NUMB: variants seen among roughly 807,000 people sequenced by gnomAD.
NUMB encodes the protein protein numb homolog.
NUMB carries 29 observed loss-of-function variants against 59.7 expected under a neutral mutation model. The ratio of observed to expected loss-of-function variants is 0.49; its 90% CI spans 0.36 to 0.66. The LOEUF is 0.66. NUMB is among the 30% of genes least tolerant of loss of function. The pLI, the probability that NUMB is intolerant of heterozygous loss-of-function variation, is 0.00. For missense variants in NUMB, 723 were observed against 822.0 expected, an observed-to-expected ratio of 0.88 and a Z score of 1.47; for synonymous variants, 288 against 288.2, an observed-to-expected ratio of 1.00 and a Z score of 0.01.
At chr14:73,303,497 T>G (rs924381641) in intron 6 of NUMB, among the ~76,000 whole-genome samples, 24 of 152,070 alleles carry the variant, frequency 1.6e-4, no homozygotes, top group African/African-American at 5.3e-4. Context: ...GGAGAATTGC[T>G]TGGACCCAGG....
At chr14:73,363,751 CCA>C (rs1472570985) in intron 3 of NUMB, among the ~76,000 whole-genome samples, 5 of 152,040 alleles carry the variant, frequency 3.3e-5, no homozygotes, top group African/African-American at 1.2e-4. Flanking sequence ...GAGTTCAAGT[CCA>C]GTTTGGGCAA....
chr14:73,397,856 A>G (rs1256262210), intron 2 of NUMB, among the ~76,000 whole-genome samples: 38 of 151,910 alleles, frequency 2.5e-4, no homozygotes, highest in Admixed American at 2.4e-3. Context: ...AGACATTGAT[A>G]TTTAAACATT....
intron 2 of NUMB, among the ~76,000 whole-genome samples, chr14:73,396,981 A>C (rs1358282324): frequency 6.6e-6 from 1 of 152,090 alleles, no homozygotes; most frequent in Non-Finnish European, 1.5e-5. Flanking sequence ...AAAATTAGCC[A>C]GGCATGGTGG....
intron 2 of NUMB, among the ~76,000 whole-genome samples, chr14:73,374,317 G>C (rs1894847136): frequency 6.6e-6 from 1 of 152,118 alleles, no homozygotes; most frequent in Non-Finnish European, 1.5e-5. Flanking sequence ...TACTGCGCCT[G>C]GCCAAAAGCT....
chr14:73,437,679 T>C lies in NUMB; in HGVS notation c.-233+20814A>G, dbSNP rs758721656. ...AAAGTAGTGATGTTCATTTTAAAAA[T>C]GCATATGGAATGATTCCATTTACAT... On this transcript the variant is annotated intron_variant, in intron 1 of 12. Coordinates refer to ENST00000555238, the MANE Select transcript of NUMB (RefSeq NM_001005743.2). 5.6e-4 allele frequency among the ~76,000 whole-genome samples: 85 copies of C among 152,200 alleles called. 7 individuals are homozygous for C. The highest frequency in any genetic ancestry group is 1.7e-4 in the African/African-American group (7 of 41,454).
chr14:73,406,315 A>G (rs929512257), intron 2 of NUMB, among the ~76,000 whole-genome samples: 2 of 139,732 alleles, frequency 1.4e-5, no homozygotes, highest in African/African-American at 2.7e-5. Flanking sequence ...TCATTGTTCA[A>G]TTCCCACCTA....
chr14:73,347,822 C>A (rs980763271), intron 4 of NUMB, among the ~76,000 whole-genome samples: 1 of 152,166 alleles, frequency 6.6e-6, no homozygotes, highest in Non-Finnish European at 1.5e-5. Context: ...TCTAGGCCAT[C>A]TTCTCTCTTT....
At chr14:73,454,176 G>A (rs1196235054) in intron 1 of NUMB, among the ~76,000 whole-genome samples, 1 of 151,224 alleles carries the variant, frequency 6.6e-6, no homozygotes, top group Non-Finnish European at 1.5e-5. Flanking sequence ...TAACCAACCT[G>A]CATATGTACT....
Position 73,404,260 on chromosome 14 carries a change from A to AAATAATAAT in NUMB, c.-101+5668_-101+5676dup, listed in dbSNP as rs10677503. 2.9e-3 allele frequency among the ~76,000 whole-genome samples: 427 copies of AAATAATAAT among 145,980 alleles called. 3 individuals carry two copies. Among genetic ancestry groups the AAATAATAAT allele is most frequent in the African/African-American group, 9.1e-3 (364 of 39,994 alleles). ...ATGTCTCAAAAAACAAAAAAAGGTA[A>AAATAATAAT]AATAATAATAATAATAATAATAATA... On this transcript the variant is annotated intron_variant, in intron 2 of 12. Transcript: ENST00000555238.
chr14:73,284,268 C>T lies in NUMB; in HGVS notation c.762G>A (p.Glu254=). 6.2e-7 allele frequency: 1 copy of T among 1,614,194 alleles called. No homozygotes were observed. Among genetic ancestry groups the T allele is most frequent in the South Asian group, 1.1e-5 (1 of 91,080 alleles). Residue 254 remains glutamate (E), a synonymous_variant, in exon 10 of 13, where the codon GAG becomes GAA. Coordinates refer to ENST00000555238, the MANE Select transcript of NUMB (RefSeq NM_001005743.2). The stretch of plus-strand genomic sequence containing the variant: ...GTGGGATGGCATGAGGATTGTTCAT[C>T]TCCAGAGAGGTCGTGGCATCAGAAG... ...SPTSDATTSL[E]MNNPHAIPRR...
intron 2 of NUMB, among the ~76,000 whole-genome samples, chr14:73,376,726 A>G (rs1472074647): frequency 1.3e-5 from 2 of 152,250 alleles, no homozygotes; most frequent in Admixed American, 1.3e-4. Flanking sequence ...AACACAGTCA[A>G]CTGGAGCTGA....
In NUMB at chr14:73,277,057, C is replaced by A. The variant is rs776850370; in HGVS notation, c.1477G>T (p.Val493Leu). The A allele has an allele frequency of 2.5e-6, 4 of 1,613,984 alleles. No homozygotes were observed. Among genetic ancestry groups the A allele is most frequent in the Non-Finnish European group, 3.4e-6 (4 of 1,180,042 alleles). Residue 493 changes from valine to leucine, a missense_variant, in exon 13 of 13, where the codon GTG (valine) becomes TTG (leucine). Coordinates refer to ENST00000555238, the MANE Select transcript of NUMB (RefSeq NM_001005743.2). ...QGNAFLTSQP[V>L]PVGVVPALQP... ...AGGGCTGGGACCACACCCACTGGCA[C>A]AGGCTGAGAGGTGAGGAATGCATTC...
At chr14:73,377,738 G>A (rs186747254) in intron 2 of NUMB, among the ~76,000 whole-genome samples, 36 of 151,592 alleles carry the variant, frequency 2.4e-4, no homozygotes, top group South Asian at 6.3e-4. Flanking sequence ...AGGCCAAGGC[G>A]GGCAGATCAC....
chr14:73,419,770 G>C lies in NUMB; in HGVS notation c.-232-9702C>G, dbSNP rs117965979. The stretch of plus-strand genomic sequence containing the variant: ...TCCTCAGACAATGGTGGGAAACTCT[G>C]GCATAACCCAAAATATGTAGTTAGG... On this transcript the variant is annotated intron_variant, in intron 1 of 12. Transcript: ENST00000555238. Among the ~76,000 whole-genome samples, 499 of 152,192 alleles carry C rather than the reference G, an allele frequency of 3.3e-3. 3 individuals carry two copies. Among genetic ancestry groups the C allele is most frequent in the South Asian group, 0.012 (60 of 4,816 alleles).
chr14:73,333,198 C>T (rs1375295445), intron 4 of NUMB, among the ~76,000 whole-genome samples: 1 of 152,148 alleles, frequency 6.6e-6, no homozygotes, highest in African/African-American at 2.4e-5. Context: ...ACATTCCCAC[C>T]AGCAATGTAT....
Position 73,371,915 on chromosome 14 carries a change from A to G in NUMB, c.-100-4934T>C, listed in dbSNP as rs751718481. On this transcript the variant is annotated intron_variant, in intron 2 of 12. Transcript: ENST00000555238. The stretch of plus-strand genomic sequence containing the variant: ...ATTACCCAGTCTCAGGTATTCTGTT[A>G]CAGCAGCACAAATGGGTTAAGAAAG... Among the ~76,000 whole-genome samples the G allele has an allele frequency of 3.4e-4, 51 of 152,022 alleles. 1 individual carries two copies. Among genetic ancestry groups the G allele is most frequent in the Admixed American group, 1.3e-3 (20 of 15,264 alleles).
chr14:73,321,681 T>C (rs1427611471), intron 5 of NUMB, among the ~76,000 whole-genome samples: 1 of 152,168 alleles, frequency 6.6e-6, no homozygotes, highest in Non-Finnish European at 1.5e-5. Flanking sequence ...AACTATAATT[T>C]CATGTACCAT....
Position 73,416,507 on chromosome 14 carries a change from A to G in NUMB, c.-232-6439T>C, listed in dbSNP as rs1019162559. On this transcript the variant is annotated intron_variant, in intron 1 of 12. Coordinates refer to ENST00000555238, the MANE Select transcript of NUMB (RefSeq NM_001005743.2). ...ATGCCCATCCTTTGACCCAATAGTT[A>G]CACTTCTAGAAAATGTATCCAAAAT... Among the ~76,000 whole-genome samples, 36 of 152,134 alleles carry G rather than the reference A, an allele frequency of 2.4e-4. 1 individual carries two copies. Among genetic ancestry groups the G allele is most frequent in the African/African-American group, 8.4e-4 (35 of 41,438 alleles).
At position 73,276,325 on chromosome 14, in the gene NUMB, G is replaced by C. The variant is rs1017688052; in HGVS notation, c.*253C>G. ...GCCAGAGATTTGTAAGGGGGTAAGG[G>C]AAGAGGGAGTACAGAAAGCAACATT... On this transcript the variant is annotated 3_prime_UTR_variant, in exon 13 of 13. Coordinates refer to ENST00000555238, the MANE Select transcript of NUMB (RefSeq NM_001005743.2). The C allele has an allele frequency of 2.4e-6, 1 of 422,702 alleles. No homozygotes were observed. The highest frequency in any genetic ancestry group is 4.3e-6 in the Non-Finnish European group (1 of 235,274). 26.2% of individuals were successfully genotyped at this position (422,702 alleles called of 1,614,324 possible). A position where few individuals can be genotyped will look rare whatever the true frequency, so the allele number is the denominator to read the frequency against.
Sources: gnomAD v4.1 joint callset for allele counts (sites outside exome capture counted in the v4.1 genomes callset) on GRCh38, gnomAD v4.1.1 for gene constraint, MANE v1.5 for transcripts, NCBI Gene and HGNC (gene_info 2026-07-23, HGNC 2026-07-21) for gene names.